The following LUZP2 variants were observed in gnomAD, a reference collection of about 807,000 sequenced individuals.
LUZP2 encodes the protein leucine zipper protein 2.
In LUZP2, 52 loss-of-function variants were observed where a neutral mutation model predicts 51.6. The ratio of observed to expected loss-of-function variants is 1.01; its 90% confidence interval spans 0.81 to 1.27. The LOEUF (loss-of-function observed/expected upper bound fraction) is 1.27. Among genes scored for constraint, LUZP2 ranks in the 50% most tolerant of loss-of-function variants. The probability of loss-of-function intolerance (pLI) is 0.00; values close to 1 mark genes in which losing one functional copy is unlikely to be tolerated. For missense variants in LUZP2, 436 were observed against 395.4 expected (o/e 1.10, Z -0.87); for synonymous variants, 154 against 137.3 (o/e 1.12, Z -0.85).
chr11:24,896,923 G>T (rs928720447), intron 5 of LUZP2, among the ~76,000 whole-genome samples: 4 of 152,108 alleles, frequency 2.6e-5, no homozygotes, highest in Admixed American at 2.6e-4. Context: ...CTCGCTAAAG[G>T]ATTGTAAATA....
intron 5 of LUZP2, among the ~76,000 whole-genome samples, chr11:24,851,376 A>G (rs534939582): frequency 1.3e-5 from 2 of 152,176 alleles, no homozygotes; most frequent in South Asian, 2.1e-4. Flanking sequence ...GGTTTCTGTC[A>G]TTGGTTCTGT....
chr11:24,963,647 G>T (rs113698774), intron 7 of LUZP2, among the ~76,000 whole-genome samples: 2 of 152,254 alleles, frequency 1.3e-5, no homozygotes, highest in Middle Eastern at 3.4e-3. Context: ...GGAGTGACCC[G>T]ATTTTCCAGG....
At chr11:25,074,089 T>C (rs10834597) in intron 10 of LUZP2, among the ~76,000 whole-genome samples, 55,642 of 151,970 alleles carry the variant, frequency 0.37, 12,475 homozygotes, top group East Asian at 0.78. Flanking sequence ...TACTACAACA[T>C]TGGAAATGGG....
Position 24,625,870 on chromosome 11 carries a change from G to A in LUZP2, c.63-103299G>A, listed in dbSNP as rs150485450. ...TATGTTTGTACAGGACAGTGGAAAT[G>A]TGGTGACCAACAGGAGTACAGCATG... is the stretch of plus-strand genomic sequence containing the variant. On this transcript the variant is annotated intron_variant, in intron 1 of 11. Coordinates refer to ENST00000336930, the MANE Select transcript of LUZP2 (RefSeq NM_001009909.4). 1.0e-3 allele frequency among the ~76,000 whole-genome samples: 157 copies of A among 152,230 alleles called. 6 individuals carry two copies. In the East Asian group the frequency reaches 0.028, roughly 27 times the overall value.
At chr11:24,603,220 A>G (rs1013779996) in intron 1 of LUZP2, among the ~76,000 whole-genome samples, 1 of 151,802 alleles carries the variant, frequency 6.6e-6, no homozygotes, top group African/African-American at 2.4e-5. Flanking sequence ...TGGAGAGGCT[A>G]TCAAGCTTTC....
chr11:24,987,784 C>A (rs1356406255), intron 9 of LUZP2, among the ~76,000 whole-genome samples: 1 of 151,812 alleles, frequency 6.6e-6, no homozygotes, highest in Non-Finnish European at 1.5e-5. Context: ...CTCTTTTCTG[C>A]CAAAAATCTG....
At chr11:24,657,553 A>G (rs1194919743) in intron 1 of LUZP2, among the ~76,000 whole-genome samples, 1 of 152,196 alleles carries the variant, frequency 6.6e-6, no homozygotes, top group East Asian at 1.9e-4. Flanking sequence ...CTCCTATTCA[A>G]CTAATGTTGG....
chr11:24,715,825 A>G (rs547245265), intron 1 of LUZP2, among the ~76,000 whole-genome samples: 3 of 152,284 alleles, frequency 2.0e-5, no homozygotes, highest in East Asian at 3.9e-4. Flanking sequence ...ATTTTTTCAA[A>G]GAGTCCTCCA....
chr11:24,711,361 A>G (rs1473108758), intron 1 of LUZP2, among the ~76,000 whole-genome samples: 1 of 152,024 alleles, frequency 6.6e-6, no homozygotes, highest in Non-Finnish European at 1.5e-5. Context: ...GAGGCAGGAG[A>G]ATGGCGTGAA....
At chr11:24,897,335 C>A (rs759677390) in intron 5 of LUZP2, among the ~76,000 whole-genome samples, 1 of 152,140 alleles carries the variant, frequency 6.6e-6, no homozygotes, top group Non-Finnish European at 1.5e-5. Flanking sequence ...TCTGTGGAAG[C>A]TTTGTTGTTT....
intron 1 of LUZP2, among the ~76,000 whole-genome samples, chr11:24,615,952 A>G (rs1047273257): frequency 2.0e-5 from 3 of 151,140 alleles, no homozygotes; most frequent in African/African-American, 7.3e-5. Context: ...TGCCATCTGT[A>G]TATCTTCACA....
intron 10 of LUZP2, among the ~76,000 whole-genome samples, chr11:25,066,999 C>T (rs1477056855): frequency 6.6e-6 from 1 of 151,832 alleles, no homozygotes; most frequent in Non-Finnish European, 1.5e-5. Flanking sequence ...AGGTATTGTC[C>T]TTGTTGTTGT....
chr11:24,887,831 CA>C (rs1237741230), intron 5 of LUZP2, among the ~76,000 whole-genome samples: 1 of 152,150 alleles, frequency 6.6e-6, no homozygotes, highest in African/African-American at 2.4e-5. Context: ...GGACCTCAAG[CA>C]GTCATATAAA....
At chr11:25,049,143 C>G (rs149981407) in intron 9 of LUZP2, among the ~76,000 whole-genome samples, 5 of 152,308 alleles carry the variant, frequency 3.3e-5, no homozygotes, top group African/African-American at 9.6e-5. Flanking sequence ...TGACTACTCT[C>G]TCCAGACCCT....
intron 9 of LUZP2, among the ~76,000 whole-genome samples, chr11:25,013,516 G>A (rs1857039630): frequency 6.6e-6 from 1 of 152,000 alleles, no homozygotes; most frequent in Non-Finnish European, 1.5e-5. Context: ...TAGATAAAAT[G>A]TTTGATCTCT....
intron 1 of LUZP2, among the ~76,000 whole-genome samples, chr11:24,705,089 T>G (rs1439634658): frequency 6.6e-6 from 1 of 152,162 alleles, no homozygotes; most frequent in African/African-American, 2.4e-5. Context: ...TTTTTTTCAT[T>G]CTTTTTTTTC....
chr11:24,960,615 T>C (rs933305565), intron 7 of LUZP2, among the ~76,000 whole-genome samples: 170 of 152,154 alleles, frequency 1.1e-3, no homozygotes, highest in African/African-American at 3.7e-3. Flanking sequence ...TTTTTTATTG[T>C]GTCTATTTGA....
chr11:24,762,219 A>C (rs541237515), intron 4 of LUZP2, among the ~76,000 whole-genome samples: 3 of 152,288 alleles, frequency 2.0e-5, no homozygotes, highest in Non-Finnish European at 2.9e-5. Flanking sequence ...GTCTATCTTC[A>C]GAGATCACCT....
chr11:24,573,005 C>A (rs1852491787), intron 1 of LUZP2, among the ~76,000 whole-genome samples: 1 of 151,890 alleles, frequency 6.6e-6, no homozygotes, highest in East Asian at 1.9e-4. Context: ...CTGTAATATT[C>A]TTTATTTGAC....
Sources: gnomAD v4.1 joint callset for allele counts (sites outside exome capture counted in the v4.1 genomes callset) on GRCh38, gnomAD v4.1.1 for gene constraint, MANE v1.5 for transcripts, NCBI Gene and HGNC (gene_info 2026-07-23, HGNC 2026-07-21) for gene names.